NGF: variants seen among roughly 807,000 people sequenced by gnomAD.
The protein encoded by NGF is nerve growth factor, also known as beta-nerve growth factor.
NGF carries 4 observed loss-of-function variants against 12.8 expected under a neutral mutation model. The ratio of observed to expected loss-of-function variants is 0.31; its 90% confidence interval spans 0.15 to 0.72. The LOEUF (loss-of-function observed/expected upper bound fraction) is 0.72, where lower values mean the gene tolerates loss of function less well. NGF is among the 30% of genes least tolerant of loss of function. The pLI, the probability that NGF is intolerant of heterozygous loss-of-function variation, is 0.69. For synonymous variants in NGF, 140 were observed against 130.0 expected (o/e 1.08, Z -0.52); for missense variants, 283 against 330.8 (o/e 0.86, Z 1.12).
intron 1 of NGF, among the ~76,000 whole-genome samples, chr1:115,295,343 T>G (rs995621471): frequency 2.0e-5 from 3 of 152,158 alleles, no homozygotes; most frequent in African/African-American, 7.2e-5. Flanking sequence ...AGAAAAACCT[T>G]TCAATACTCA....
At chr1:115,333,741 T>TCTTC (rs1324348516) in intron 1 of NGF, among the ~76,000 whole-genome samples, 3 of 113,336 alleles carry the variant, frequency 2.6e-5, no homozygotes, top group Admixed American at 9.4e-5. Context: ...TTTCTTTCTT[T>TCTTC]CTTCCTTCCT....
chr1:115,329,685 G>A (rs532006393), intron 1 of NGF, among the ~76,000 whole-genome samples: 2 of 150,652 alleles, frequency 1.3e-5, no homozygotes, highest in Admixed American at 6.6e-5. Flanking sequence ...TTTCCCTAAT[G>A]AGAGTTGCAC....
intron 1 of NGF, among the ~76,000 whole-genome samples, chr1:115,331,132 T>C (rs2101055573): frequency 6.6e-6 from 1 of 152,312 alleles, no homozygotes; most frequent in South Asian, 2.1e-4. Flanking sequence ...TTACTGGGCA[T>C]TGGCTATATT....
chr1:115,315,917 G>A (rs79568665), intron 1 of NGF, among the ~76,000 whole-genome samples: 8,906 of 152,118 alleles, frequency 0.059, 287 homozygotes, highest in South Asian at 0.087. Flanking sequence ...GAAGCCTCCC[G>A]AAGGTATTCT....
chr1:115,326,623 C>A (rs532293503), intron 1 of NGF, among the ~76,000 whole-genome samples: 1 of 152,288 alleles, frequency 6.6e-6, no homozygotes, highest in Non-Finnish European at 1.5e-5. Context: ...CACAGACCTC[C>A]ATTCTGACCA....
In NGF at chr1:115,314,122, G is replaced by A. The variant is rs143134021; in HGVS notation, c.-136-20372C>T. ...CCAAGTGGTTTGATTCTGTAGAAGT[G>A]TAGCAGAAATAAACAGGAGCAAAAA... On this transcript the variant is annotated intron_variant, in intron 1 of 2. Transcript: ENST00000369512. Among the ~76,000 whole-genome samples, 267 of 152,306 alleles carry A rather than the reference G, an allele frequency of 1.8e-3. 1 individual carries two copies. Among genetic ancestry groups the A allele is most frequent in the African/African-American group, 6.0e-3 (249 of 41,576 alleles).
chr1:115,315,237 C>A (rs1654445669), intron 1 of NGF, among the ~76,000 whole-genome samples: 1 of 152,104 alleles, frequency 6.6e-6, no homozygotes, highest in African/African-American at 2.4e-5. Context: ...AGCAACATGA[C>A]TGGATATATT....
At chr1:115,333,157 C>CTT (rs1654969603) in intron 1 of NGF, among the ~76,000 whole-genome samples, 1 of 152,192 alleles carries the variant, frequency 6.6e-6, no homozygotes, top group African/African-American at 2.4e-5. Context: ...CAACTGCACA[C>CTT]AGAGGGGAGG....
chr1:115,308,463 A>G (rs570714459), intron 1 of NGF, among the ~76,000 whole-genome samples: 1 of 152,342 alleles, frequency 6.6e-6, no homozygotes, highest in South Asian at 2.1e-4. Context: ...GAGTCTGAGA[A>G]GAGCTGCTCT....
chr1:115,320,403 C>T (rs977445260), intron 1 of NGF, among the ~76,000 whole-genome samples: 2 of 152,090 alleles, frequency 1.3e-5, no homozygotes, highest in Non-Finnish European at 2.9e-5. Flanking sequence ...GCTTTGGGGC[C>T]ATTATCAAGT....
chr1:115,319,379 A>G (rs940761563), intron 1 of NGF, among the ~76,000 whole-genome samples: 4 of 152,142 alleles, frequency 2.6e-5, no homozygotes, highest in Non-Finnish European at 5.9e-5. Context: ...ATGCTCATAC[A>G]CACATAAGCA....
intron 1 of NGF, among the ~76,000 whole-genome samples, chr1:115,308,426 T>C (rs1654256198): frequency 6.6e-6 from 1 of 152,172 alleles, no homozygotes; most frequent in Non-Finnish European, 1.5e-5. Context: ...AGTAGGGATG[T>C]TAGAACTTCA....
chr1:115,334,758 G>A (rs1349950306), intron 1 of NGF, among the ~76,000 whole-genome samples: 1 of 152,200 alleles, frequency 6.6e-6, no homozygotes, highest in African/African-American at 2.4e-5. Context: ...TTTAGGAGGT[G>A]AGGCAGGAAT....
At chr1:115,305,251 A>T (rs889970698) in intron 1 of NGF, among the ~76,000 whole-genome samples, 3 of 152,232 alleles carry the variant, frequency 2.0e-5, no homozygotes, top group Non-Finnish European at 4.4e-5. Flanking sequence ...TAAAATACTC[A>T]TTAAAAATCT....
chr1:115,304,743 G>C (rs531676084), intron 1 of NGF, among the ~76,000 whole-genome samples: 1 of 152,286 alleles, frequency 6.6e-6, no homozygotes, highest in South Asian at 2.1e-4. Flanking sequence ...ACTCCCACTT[G>C]TAAGAGAGGA....
chr1:115,314,759 A>G (rs980183765), intron 1 of NGF, among the ~76,000 whole-genome samples: 4 of 152,250 alleles, frequency 2.6e-5, no homozygotes, highest in African/African-American at 7.2e-5. Flanking sequence ...TACTGGGGAT[A>G]TAGTCGTGAA....
rs371114054 is a variant in NGF at position 115,316,416 on chromosome 1, G to GT, written c.-137+21787dup. Among the ~76,000 whole-genome samples, 230 of 151,778 alleles carry GT rather than the reference G, an allele frequency of 1.5e-3. 1 individual carries two copies. Among genetic ancestry groups the GT allele is most frequent in the African/African-American group, 4.9e-3 (204 of 41,362 alleles). ...ATATCTCCTTGTTGATTGTCCACTT[G>GT]TTTTTTTTGCAGAAATTGGTGTCAT... On this transcript the variant is annotated intron_variant, in intron 1 of 2. Transcript: ENST00000369512.
chr1:115,322,035 T>C (rs529463928), intron 1 of NGF, among the ~76,000 whole-genome samples: 2 of 152,360 alleles, frequency 1.3e-5, no homozygotes, highest in South Asian at 4.1e-4. Context: ...TCCATTTTTC[T>C]GTTTGCTTAG....
chr1:115,304,923 G>A (rs967707899), intron 1 of NGF, among the ~76,000 whole-genome samples: 2 of 152,146 alleles, frequency 1.3e-5, no homozygotes, highest in African/African-American at 4.8e-5. Context: ...TGGGTCACTA[G>A]GGTAAGTATG....
Sources: allele counts gnomAD v4.1 joint callset (sites outside exome capture counted in the v4.1 genomes callset), GRCh38; gene constraint gnomAD v4.1.1; transcripts MANE v1.5; gene names NCBI Gene and HGNC (gene_info 2026-07-23, HGNC 2026-07-21).